KCND3: variants seen among roughly 807,000 people sequenced by gnomAD.
The protein encoded by KCND3 is potassium voltage-gated channel subfamily D member 3, also known as A-type voltage-gated potassium channel KCND3.
Under a neutral mutation model 51.1 loss-of-function variants are expected in KCND3, and 9 were observed. The ratio of observed to expected loss-of-function variants is 0.18; its 90% CI spans 0.11 to 0.31. KCND3 has a LOEUF of 0.31. Ranked by LOEUF, KCND3 falls within the 10% of genes least tolerant of loss-of-function variation. The pLI, the probability that KCND3 is intolerant of heterozygous loss-of-function variation, is 1.00. For synonymous variants in KCND3, 349 were observed against 368.0 expected (o/e 0.95, Z 0.59); for missense variants, 526 against 903.8 (o/e 0.58, Z 5.36).
Position 111,775,973 on chromosome 1 carries a change from G to A in KCND3, c.*104C>T. 7.7e-7 allele frequency: 1 copy of A among 1,299,510 alleles called. No individual in the cohort carries two copies. The highest frequency in any genetic ancestry group is 1.2e-5 in the South Asian group (1 of 82,822). 80.5% of individuals were successfully genotyped at this position (1,299,510 alleles called of 1,614,324 possible). Reference sequence around the variant, plus strand: ...TGCTAGGGGTACAATGGGGCAGGCAGAAATAGTGGGGAAAGGGGGGAGGGA... The same window carrying A: ...TGCTAGGGGTACAATGGGGCAGGCAAAAATAGTGGGGAAAGGGGGGAGGGA... On this transcript the variant is annotated 3_prime_UTR_variant, in exon 8 of 8. Coordinates refer to ENST00000302127, the MANE Select transcript of KCND3 (RefSeq NM_001378969.1).
At chr1:111,970,407 G>A (rs1674261997) in intron 2 of KCND3, among the ~76,000 whole-genome samples, 1 of 152,232 alleles carries the variant, frequency 6.6e-6, no homozygotes, top group Non-Finnish European at 1.5e-5. Context: ...TTGCATGGCA[G>A]ACCCACAACA....
chr1:111,865,525 T>A (rs1263395885), intron 2 of KCND3, among the ~76,000 whole-genome samples: 2 of 152,162 alleles, frequency 1.3e-5, no homozygotes, highest in Admixed American at 1.3e-4. Context: ...GGGGTCAGGG[T>A]CCTGGGAAGT....
chr1:111,962,341 G>A (rs867223369), intron 2 of KCND3, among the ~76,000 whole-genome samples: 3 of 152,104 alleles, frequency 2.0e-5, no homozygotes, highest in East Asian at 1.9e-4. Flanking sequence ...TGACCTGCCC[G>A]GGCAGCACAG....
In KCND3 at chr1:111,780,901, T is replaced by TG; in HGVS notation, c.1270-111dup. ...CCCAGGTGACACCTGATGAAGGGGA[T>TG]GAGGCTGTTTCTCTCCAACCTCATG... On this transcript the variant is annotated intron_variant, in intron 3 of 7. Transcript: ENST00000302127. The surrounding 1 kb of genome is among the most constrained non-coding windows in gnomAD (Gnocchi z 4.2). 5 of 859,458 alleles carry TG rather than the reference T, an allele frequency of 5.8e-6. No individual in the cohort carries two copies. Among genetic ancestry groups the TG allele is most frequent in the Non-Finnish European group, 9.5e-6 (5 of 526,994 alleles). The allele number at this position is 859,458 out of a possible 1,614,324, so 53.2% of individuals were successfully genotyped here. A position where few individuals can be genotyped will look rare whatever the true frequency, so the allele number is the denominator to read the frequency against.
At chr1:111,972,168 C>CT (rs56102317) in intron 2 of KCND3, among the ~76,000 whole-genome samples, 45 of 80,128 alleles carry the variant, frequency 5.6e-4, no homozygotes, top group East Asian at 1.8e-3. Context: ...ATTTGTATAT[C>CT]TTTTTTTTTT....
At chr1:111,924,266 A>G (rs1002291813) in intron 2 of KCND3, among the ~76,000 whole-genome samples, 4 of 152,238 alleles carry the variant, frequency 2.6e-5, no homozygotes, top group African/African-American at 9.6e-5. Flanking sequence ...GGACACACGA[A>G]CAAATAATTA....
chr1:111,780,218 G>C lies in KCND3; in HGVS notation c.1461+7C>G. 1 of 1,578,478 alleles carries C rather than the reference G, an allele frequency of 6.3e-7. No individual in the cohort carries two copies. The highest frequency in any genetic ancestry group is 8.6e-7 in the Non-Finnish European group (1 of 1,161,172). ...TGAAAAGGAGGTGGCAAAGGGCTGG[G>C]ACTCACAGTGGTTTTTTCCAGGCAG... is the stretch of plus-strand genomic sequence containing the variant. On this transcript the variant is annotated splice_region_variant and intron_variant, in intron 5 of 7. Coordinates refer to ENST00000302127, the MANE Select transcript of KCND3 (RefSeq NM_001378969.1). This position sits in a 1 kb window ranked among gnomAD's most constrained non-coding sequence, Gnocchi z 4.2.
At chr1:111,971,492 G>A (rs1674328308) in intron 2 of KCND3, among the ~76,000 whole-genome samples, 1 of 152,174 alleles carries the variant, frequency 6.6e-6, no homozygotes, top group African/African-American at 2.4e-5. Flanking sequence ...GGGGGCAGGT[G>A]CCAGAGAAGT....
chr1:111,838,813 G>A (rs1391323655), intron 2 of KCND3, among the ~76,000 whole-genome samples: 1 of 152,132 alleles, frequency 6.6e-6, no homozygotes, highest in Non-Finnish European at 1.5e-5. Flanking sequence ...ACTTTTGGAG[G>A]ACAGTTTTGA....
rs1177438078 is a variant in KCND3, at chr1:111,982,509, A to T, written c.218T>A (p.Phe73Tyr). 18 of 1,607,362 alleles carry T rather than the reference A, an allele frequency of 1.1e-5. No individual in the cohort carries two copies. Among genetic ancestry groups the T allele is most frequent in the Non-Finnish European group, 1.5e-5 (18 of 1,174,900 alleles). ...CTCCTTGGTGTCCTCGTTGAAGAAG[A>T]ACTCCTTCTCCGTGCTGCCCAGCAG... ...DTLLGSTEKE[F>Y]FFNEDTKEYF... The change falls in exon 2 of 8, where the codon TTC becomes TAC. Residue 73 changes from phenylalanine (F) to tyrosine (Y), a missense_variant. Physicochemically the swap from Phe to Tyr is conservative, Grantham distance 22. Around this residue, in one of 5 missense-constraint regions of KCND3, gnomAD observed 159 missense variants for 262.8 expected, o/e 0.61. Coordinates refer to ENST00000302127, the MANE Select transcript of KCND3 (RefSeq NM_001378969.1). This position sits in a 1 kb window ranked among gnomAD's most constrained non-coding sequence, Gnocchi z 8.5.
intron 2 of KCND3, among the ~76,000 whole-genome samples, chr1:111,888,681 C>CAAAAAA (rs34732548): frequency 9.7e-6 from 1 of 103,610 alleles, no homozygotes; most frequent in Non-Finnish European, 2.0e-5. Context: ...CACTCCATCT[C>CAAAAAA]AAAAAAAAAA....
chr1:111,806,020 C>T (rs984722764), intron 2 of KCND3, among the ~76,000 whole-genome samples: 56 of 152,172 alleles, frequency 3.7e-4, no homozygotes, highest in African/African-American at 1.3e-3. Context: ...GTCTGGCCTT[C>T]CCCAGGGGCC....
chr1:111,777,823 AT>A (rs1461917167), intron 6 of KCND3, among the ~76,000 whole-genome samples: 1 of 152,062 alleles, frequency 6.6e-6, no homozygotes, highest in African/African-American at 2.4e-5. Context: ...TCTTTTAATT[AT>A]TTTTTTCCCC....
intron 2 of KCND3, among the ~76,000 whole-genome samples, chr1:111,930,997 C>T (rs937968798): frequency 6.6e-6 from 1 of 152,318 alleles, no homozygotes. Context: ...ACACCCCTGT[C>T]TTTGTGATGA....
chr1:111,940,706 C>T (rs1672474176), intron 2 of KCND3, among the ~76,000 whole-genome samples: 1 of 152,308 alleles, frequency 6.6e-6, no homozygotes, highest in East Asian at 1.9e-4. Context: ...GTCATGCAAT[C>T]GTTCTCCAAC....
chr1:111,772,985 G>A lies in KCND3; in HGVS notation c.*3092C>T, dbSNP rs574696854. On this transcript the variant is annotated 3_prime_UTR_variant, in exon 8 of 8. Coordinates refer to ENST00000302127, the MANE Select transcript of KCND3 (RefSeq NM_001378969.1). The stretch of plus-strand genomic sequence containing the variant: ...ACTTTGGACCTTGTGTTTTCTTACA[G>A]TACCCTTTAGCAGTGTCATCTGGCT... The A allele has an allele frequency of 2.0e-5, 3 of 152,172 alleles. No homozygotes were observed. Among genetic ancestry groups the A allele is most frequent in the Non-Finnish European group, 4.4e-5 (3 of 68,048 alleles). 9.4% of individuals were successfully genotyped at this position (152,172 alleles called of 1,614,324 possible). A position where few individuals can be genotyped will look rare whatever the true frequency, so the allele number is the denominator to read the frequency against.
chr1:111,815,366 A>C (rs1430841520), intron 2 of KCND3, among the ~76,000 whole-genome samples: 1 of 149,890 alleles, frequency 6.7e-6, no homozygotes, highest in African/African-American at 2.5e-5. Context: ...CCTTGACCAA[A>C]CTCTGGTCAG....
intron 2 of KCND3, among the ~76,000 whole-genome samples, chr1:111,894,245 G>A (rs557930252): frequency 1.3e-5 from 2 of 152,180 alleles, no homozygotes; most frequent in Non-Finnish European, 2.9e-5. Context: ...TCTCAAACAC[G>A]CCAGGCTCAT....
In KCND3 at chr1:111,846,397, C is replaced by T. The variant is rs556251473; in HGVS notation, c.1107-59291G>A. Among the ~76,000 whole-genome samples the T allele has an allele frequency of 2.6e-5, 4 of 151,492 alleles. No individual in the cohort carries two copies. In the East Asian group the frequency reaches 7.9e-4, roughly 30 times the overall value. ...CCCCGGGTTATGTAAGATACCTTTC[C>T]TCTGTACACCCATGACACTCTCTGC... On this transcript the variant is annotated intron_variant, in intron 2 of 7. Coordinates refer to ENST00000302127, the MANE Select transcript of KCND3 (RefSeq NM_001378969.1).
Sources: gnomAD v4.1 joint callset for allele counts (sites outside exome capture counted in the v4.1 genomes callset) on GRCh38, gnomAD v4.1.1 for gene constraint, gnomAD v4.1.1 regional missense constraint, Gnocchi (gnomAD v3.1) non-coding constraint, MANE v1.5 for transcripts, NCBI Gene and HGNC (gene_info 2026-07-23, HGNC 2026-07-21) for gene names.